The following LAMA3 variants were observed in gnomAD, a reference collection of about 807,000 sequenced individuals.
LAMA3 encodes laminin subunit alpha 3.
Under a neutral mutation model 402.0 loss-of-function variants are expected in LAMA3, and 281 were observed. That is an observed-to-expected ratio of 0.70 (90% confidence interval 0.63 to 0.77). LAMA3 has a LOEUF of 0.77. Among genes scored for constraint, LAMA3 ranks in the 30% least tolerant of loss-of-function variants. The pLI, the probability that LAMA3 is intolerant of heterozygous loss-of-function variation, is 0.00. For synonymous variants in LAMA3, 1,431 were observed against 1,558.4 expected, an observed-to-expected ratio of 0.92 and a Z score of 1.93; for missense variants, 3,840 against 4,215.5, an observed-to-expected ratio of 0.91 and a Z score of 2.47.
chr18:23,731,921 A>C (rs1251494768), intron 2 of LAMA3, among the ~76,000 whole-genome samples: 1 of 152,192 alleles, frequency 6.6e-6, no homozygotes, highest in Non-Finnish European at 1.5e-5. Flanking sequence ...TAAAAGTTGA[A>C]ATTATAAAAA....
intron 61 of LAMA3, 30 bp downstream of exon 61, chr18:23,921,084 C>A: frequency 6.2e-7 from 1 of 1,611,376 alleles, no homozygotes; most frequent in Non-Finnish European, 8.5e-7. Context: ...TTACTTGAAT[C>A]GTTAAATGTC....
At chr18:23,821,591 C>T (rs897725123) in intron 19 of LAMA3, among the ~76,000 whole-genome samples, 5 of 152,210 alleles carry the variant, frequency 3.3e-5, no homozygotes, top group South Asian at 2.1e-4. Context: ...AGGGTCCAGG[C>T]TCCACAATGT....
At chr18:23,809,765 A>AT (rs917903083) in intron 12 of LAMA3, among the ~76,000 whole-genome samples, 4 of 152,082 alleles carry the variant, frequency 2.6e-5, no homozygotes, top group African/African-American at 4.8e-5. Context: ...TGCCTGCACC[A>AT]TTTTTTCCAT....
chr18:23,689,775 C>A lies in LAMA3; in HGVS notation c.92C>A (p.Ala31Asp). 6.5e-7 allele frequency: 1 copy of A among 1,529,702 alleles called. No homozygotes were observed. Among genetic ancestry groups the A allele is most frequent in the Non-Finnish European group, 8.8e-7 (1 of 1,140,066 alleles). The allele number at this position is 1,529,702 out of a possible 1,614,324, so 94.8% of individuals were successfully genotyped here. ...LLLLVLRVLP[A>D]CGATARDPGA... Reference sequence around the variant, plus strand: ...CTGCTGGTACTGCGGGTGCTGCCAGCCTGCGGGGCGACCGCTCGGGATCCC... The same window carrying A: ...CTGCTGGTACTGCGGGTGCTGCCAGACTGCGGGGCGACCGCTCGGGATCCC... The change falls in exon 1 of 75, where the codon GCC becomes GAC. Residue 31 changes from alanine to aspartate, a missense_variant. By Grantham distance (126) the Ala-to-Asp change is moderately radical. Transcript: ENST00000313654.
intron 40 of LAMA3, 71 bp downstream of exon 40, chr18:23,882,116 G>A (rs2064918954): frequency 2.1e-6 from 2 of 938,212 alleles, no homozygotes; most frequent in Non-Finnish European, 3.5e-6. Context: ...CTAGGGGTGG[G>A]AGAGCAGGTG....
chr18:23,768,092 T>C (rs1322512094), intron 8 of LAMA3, among the ~76,000 whole-genome samples: 10 of 151,882 alleles, frequency 6.6e-5, no homozygotes, highest in Non-Finnish European at 2.9e-5. Flanking sequence ...TATGGCTAAG[T>C]TCTCAAAAGC....
chr18:23,822,214 T>C, intron 19 of LAMA3, 38 bp from the exon 20 acceptor site: 1 of 1,610,056 alleles, frequency 6.2e-7, no homozygotes, highest in South Asian at 1.1e-5. Context: ...CTTTTAACCA[T>C]TTTTTTCTAT....
At chr18:23,901,953 C>T (rs1154228) in intron 48 of LAMA3, among the ~76,000 whole-genome samples, 1 of 152,236 alleles carries the variant, frequency 6.6e-6, no homozygotes, top group Non-Finnish European at 1.5e-5. Context: ...CTCAGCCTCC[C>T]AAAGTGATGG....
chr18:23,827,788 A>T (rs1344241407), intron 23 of LAMA3, among the ~76,000 whole-genome samples: 1 of 152,184 alleles, frequency 6.6e-6, no homozygotes, highest in Non-Finnish European at 1.5e-5. Flanking sequence ...TTCTCTTAAA[A>T]GACAGATGAG....
Position 23,713,908 on chromosome 18 carries a change from T to C in LAMA3, c.295-12T>C, listed in dbSNP as rs1568105033. 1.2e-6 allele frequency: 2 copies of C among 1,602,176 alleles called. No homozygotes were observed. The highest frequency in any genetic ancestry group is 1.7e-6 in the Non-Finnish European group (2 of 1,176,000). On this transcript the variant is annotated splice_polypyrimidine_tract_variant and intron_variant, in intron 1 of 74. Transcript: ENST00000313654. ...AACAAAAAACAAAAAAAACCCACTT[T>C]TTTTTTTTCAGGGCCAGTTCTGTGA...
At chr18:23,737,445 T>C (rs921853369) in intron 2 of LAMA3, among the ~76,000 whole-genome samples, 7 of 152,188 alleles carry the variant, frequency 4.6e-5, no homozygotes, top group Non-Finnish European at 8.8e-5. Flanking sequence ...TGCCCTGCGA[T>C]GTCACTCTGA....
At chr18:23,731,800 A>G (rs1167480855) in intron 2 of LAMA3, among the ~76,000 whole-genome samples, 1 of 152,142 alleles carries the variant, frequency 6.6e-6, no homozygotes, top group African/African-American at 2.4e-5. Flanking sequence ...TTGGGAAACT[A>G]CTGGGTACCA....
chr18:23,928,023 A>G, intron 62 of LAMA3, 100 bp from the exon 63 acceptor site: 2 of 848,526 alleles, frequency 2.4e-6, no homozygotes, highest in Non-Finnish European at 2.1e-6. Flanking sequence ...ACACCTACTC[A>G]TTTATGGGTG....
At chr18:23,769,667 G>GCA (rs1225294490) in intron 8 of LAMA3, among the ~76,000 whole-genome samples, 4 of 151,914 alleles carry the variant, frequency 2.6e-5, no homozygotes, top group Admixed American at 6.6e-5. Context: ...ATGTGCGCAA[G>GCA]CACACACACA....
At chr18:23,837,863 C>T (rs983139280) in intron 25 of LAMA3, among the ~76,000 whole-genome samples, 1 of 151,828 alleles carries the variant, frequency 6.6e-6, no homozygotes, top group Non-Finnish European at 1.5e-5. Context: ...AATATTTGTG[C>T]CTGATAGTAT....
intron 1 of LAMA3, among the ~76,000 whole-genome samples, chr18:23,697,708 C>T (rs2060709108): frequency 8.3e-6 from 1 of 120,868 alleles, no homozygotes; most frequent in African/African-American, 3.3e-5. Context: ...CCGCCCCCCG[C>T]CCCAAAAAAA....
chr18:23,860,820 A>C (rs1053338112), intron 34 of LAMA3, among the ~76,000 whole-genome samples: 2 of 149,996 alleles, frequency 1.3e-5, no homozygotes, highest in Non-Finnish European at 3.0e-5. Context: ...CAGGCTCCTG[A>C]GTAGCTGGAA....
chr18:23,857,665 T>C (rs1244023230), intron 32 of LAMA3, among the ~76,000 whole-genome samples, 179 bp from the exon 33 acceptor site: 1 of 152,266 alleles, frequency 6.6e-6, no homozygotes, highest in African/African-American at 2.4e-5. Context: ...CATTGGTCAA[T>C]GACCTACATT....
Position 23,833,954 on chromosome 18 carries a change from G to A in LAMA3, c.2950G>A (p.Ala984Thr), listed in dbSNP as rs755909178. The A allele has an allele frequency of 1.9e-6, 3 of 1,614,220 alleles. No homozygotes were observed. Among genetic ancestry groups the A allele is most frequent in the Non-Finnish European group, 2.5e-6 (3 of 1,180,046 alleles). Residue 984 changes from alanine to threonine, a missense_variant, in exon 24 of 75, where the codon GCA becomes ACA. Ala to Thr is a moderately conservative substitution (Grantham distance 58). Coordinates refer to ENST00000313654, the MANE Select transcript of LAMA3 (RefSeq NM_198129.4). ...VNVKSSGSVLAGQVNIYSCNY... is the reference protein window; with the variant it reads ...VNVKSSGSVLTGQVNIYSCNY... ...TGTGAAGAGCTCCGGGTCTGTTCTG[G>A]CAGGCCAGGTGAACATTTACAGCTG...
Sources: gnomAD v4.1 joint callset for allele counts (sites outside exome capture counted in the v4.1 genomes callset) on GRCh38, gnomAD v4.1.1 for gene constraint, MANE v1.5 for transcripts, NCBI Gene and HGNC (gene_info 2026-07-23, HGNC 2026-07-21) for gene names.